Variants in CCNI observed in about 807,000 individuals in gnomAD.
CCNI encodes cyclin-I.
CCNI carries 14 observed loss-of-function variants against 34.1 expected under a neutral mutation model. The observed-to-expected ratio is 0.41, with a 90% confidence interval of 0.27 to 0.64. The LOEUF (loss-of-function observed/expected upper bound fraction) is 0.64, where lower values mean the gene tolerates loss of function less well. Among genes scored for constraint, CCNI ranks in the 30% least tolerant of loss-of-function variants. CCNI has a pLI of 0.31. For synonymous variants in CCNI, 154 were observed against 158.4 expected, an observed-to-expected ratio of 0.97 and a Z score of 0.21; for missense variants, 385 against 440.5, an observed-to-expected ratio of 0.87 and a Z score of 1.13.
intron 6 of CCNI, among the ~76,000 whole-genome samples, chr4:77,049,196 G>C (rs572811055): frequency 2.0e-5 from 3 of 151,960 alleles, no homozygotes; most frequent in Non-Finnish European, 4.4e-5. Context: ...TATGTATTTT[G>C]TAGAAAATAG....
At position 77,075,755 on chromosome 4, in the gene CCNI, C is replaced by T. The variant is rs1161999251; in HGVS notation, c.-327G>A. ...GGCCTGAGGCCGCCGCCGCTCGAGCCCGGGTTGGGAGGGGGCTCCCTCTCG... is the reference window on the plus strand; with the variant it reads ...GGCCTGAGGCCGCCGCCGCTCGAGCTCGGGTTGGGAGGGGGCTCCCTCTCG... On this transcript the variant is annotated 5_prime_UTR_variant, in exon 1 of 7. Coordinates refer to ENST00000237654, the MANE Select transcript of CCNI (RefSeq NM_006835.3). 5.9e-6 allele frequency: 1 copy of T among 170,736 alleles called. No individual in the cohort carries two copies. Among genetic ancestry groups the T allele is most frequent in the Non-Finnish European group, 1.2e-5 (1 of 85,306 alleles). The allele number at this position is 170,736 out of a possible 1,614,324, so 10.6% of individuals were successfully genotyped here.
At chr4:77,068,651 A>C (rs908255987) in intron 1 of CCNI, among the ~76,000 whole-genome samples, 1 of 152,176 alleles carries the variant, frequency 6.6e-6, no homozygotes, top group African/African-American at 2.4e-5. Context: ...ATGTACCTGT[A>C]AACTATGTAT....
rs1727608689 is a variant in CCNI, at chr4:77,048,593, G to A, written c.760C>T (p.Leu254=). 3 of 1,607,018 alleles carry A rather than the reference G, an allele frequency of 1.9e-6. No individual in the cohort carries two copies. Among genetic ancestry groups the A allele is most frequent in the Non-Finnish European group, 1.7e-6 (2 of 1,175,884 alleles). The change falls in exon 7 of 7, where the codon CTG becomes TTG. Residue 254 remains leucine (L), a synonymous_variant. Coordinates refer to ENST00000237654, the MANE Select transcript of CCNI (RefSeq NM_006835.3). ...AHHLSTLQSS[L]PLNSVYVYRP... Reference sequence around the variant, plus strand: ...TAGACATAAACGGAATTCAGAGGCAGGGAAGACTGCAGAGTAGAAAGGTGA... The same window carrying A: ...TAGACATAAACGGAATTCAGAGGCAAGGAAGACTGCAGAGTAGAAAGGTGA...
chr4:77,052,656 A>G (rs1224863627), intron 6 of CCNI, among the ~76,000 whole-genome samples: 1 of 152,210 alleles, frequency 6.6e-6, no homozygotes, highest in Non-Finnish European at 1.5e-5. Context: ...ACTGGGAATC[A>G]TGTCGCAAAT....
intron 6 of CCNI, among the ~76,000 whole-genome samples, chr4:77,050,893 A>G (rs185548439): frequency 6.6e-6 from 1 of 152,228 alleles, no homozygotes; most frequent in East Asian, 1.9e-4. Context: ...TAGTGTAGAA[A>G]TTATTTCTAA....
At chr4:77,069,115 C>G (rs891879707) in intron 1 of CCNI, among the ~76,000 whole-genome samples, 1 of 152,156 alleles carries the variant, frequency 6.6e-6, no homozygotes, top group Non-Finnish European at 1.5e-5. Context: ...GTTAACTCCC[C>G]AACTACGTTA....
chr4:77,049,974 A>G (rs1354080062), intron 6 of CCNI, among the ~76,000 whole-genome samples: 7 of 152,106 alleles, frequency 4.6e-5, no homozygotes, highest in South Asian at 2.1e-4. Flanking sequence ...CGGCACCCCA[A>G]TGCCTACCAG....
At chr4:77,071,148 TA>T (rs1480375470) in intron 1 of CCNI, among the ~76,000 whole-genome samples, 3 of 152,216 alleles carry the variant, frequency 2.0e-5, no homozygotes, top group Non-Finnish European at 2.9e-5. Context: ...TAGAATCATG[TA>T]AAAAGAAGTA....
At chr4:77,074,887 C>T (rs1056908188) in intron 1 of CCNI, 2 of 152,132 alleles carry the variant, frequency 1.3e-5, no homozygotes, top group Admixed American at 6.5e-5. Flanking sequence ...GCTCCTCTGT[C>T]CTCCTTTCAA....
rs555218836 is a variant in CCNI, at chr4:77,050,174, T to C, written c.691-1512A>G. On this transcript the variant is annotated intron_variant, in intron 6 of 6. Transcript: ENST00000237654. The stretch of plus-strand genomic sequence containing the variant: ...CCCTTAATCATCTTATTTCTACCTG[T>C]TGAAATTGTATTGCGCATTCCTTCC... Among the ~76,000 whole-genome samples the C allele has an allele frequency of 3.9e-5, 6 of 152,310 alleles. No homozygotes were observed. The East Asian group carries it at 5.8e-4, about 15-fold the overall frequency.
At chr4:77,055,870 C>T in intron 5 of CCNI, 92 bp downstream of exon 5, 16 of 1,037,450 alleles carry the variant, frequency 1.5e-5, no homozygotes, top group South Asian at 3.5e-5. Flanking sequence ...TTCCTATTTC[C>T]AGTACAAAAT....
At chr4:77,074,126 G>A (rs970531332) in intron 1 of CCNI, among the ~76,000 whole-genome samples, 1 of 152,050 alleles carries the variant, frequency 6.6e-6, no homozygotes, top group African/African-American at 2.4e-5. Flanking sequence ...AACAAAACAC[G>A]GACACACTCA....
chr4:77,072,039 C>T (rs1729504443), intron 1 of CCNI, among the ~76,000 whole-genome samples: 1 of 152,044 alleles, frequency 6.6e-6, no homozygotes, highest in Non-Finnish European at 1.5e-5. Flanking sequence ...ACCCTGCTAC[C>T]AAAACCAGAC....
At position 77,048,436 on chromosome 4, in the gene CCNI, A is replaced by G. The variant is rs755722758; in HGVS notation, c.917T>C (p.Phe306Ser). Reference protein sequence around the residue: ...PEVPVRGTAAFYHHLPAASGC... With the variant: ...PEVPVRGTAASYHHLPAASGC... The stretch of plus-strand genomic sequence containing the variant: ...ACTGGCAGCTGGGAGATGATGGTAA[A>G]AGGCTGCTGTACCTCTGACTGGCAC... Residue 306 changes from phenylalanine to serine, a missense_variant, in exon 7 of 7, where the codon TTT becomes TCT. Around this residue, in one of 2 missense-constraint regions of CCNI, gnomAD observed 250 missense variants for 248.7 expected, o/e 1.01. Coordinates refer to ENST00000237654, the MANE Select transcript of CCNI (RefSeq NM_006835.3). 5 of 1,614,060 alleles carry G rather than the reference A, an allele frequency of 3.1e-6. No individual in the cohort carries two copies. In the African/African-American group the frequency reaches 5.3e-5, roughly 17 times the overall value.
chr4:77,065,440 G>C (rs1302566494), intron 2 of CCNI, among the ~76,000 whole-genome samples: 1 of 152,166 alleles, frequency 6.6e-6, no homozygotes, highest in African/African-American at 2.4e-5. Flanking sequence ...TATGACAGAA[G>C]TATAAAAATT....
rs1728194281 is a variant in CCNI, at chr4:77,055,986, G to A, written c.435C>T (p.Ala145=). 1 of 1,612,984 alleles carries A rather than the reference G, an allele frequency of 6.2e-7. No homozygotes were observed. The highest frequency in any genetic ancestry group is 8.5e-7 in the Non-Finnish European group (1 of 1,179,260). ...CAATATGAAGAAAATCCAATGGTGT[G>A]GCTGTGTGAAGATCCCAATTCAACT... ...LDKLNWDLHT[A]TPLDFLHIFH... is the part of the protein sequence containing the mutation. Residue 145 remains alanine (A), a synonymous_variant, in exon 5 of 7, where the codon GCC becomes GCT. Transcript: ENST00000237654.
chr4:77,071,474 C>T (rs1021439954), intron 1 of CCNI, among the ~76,000 whole-genome samples: 2 of 152,040 alleles, frequency 1.3e-5, no homozygotes, highest in Non-Finnish European at 2.9e-5. Context: ...GTTCCTAAAG[C>T]AAGACAGAAG....
chr4:77,048,127 A>G lies in CCNI; in HGVS notation c.*92T>C, dbSNP rs1056789552. Reference sequence around the variant, plus strand: ...TCACTCCAAATCAGCCTGTTAAGGTATATTTCCTTCTACAGCCTTTCCTGA... The same window carrying G: ...TCACTCCAAATCAGCCTGTTAAGGTGTATTTCCTTCTACAGCCTTTCCTGA... On this transcript the variant is annotated 3_prime_UTR_variant, in exon 7 of 7. Coordinates refer to ENST00000237654, the MANE Select transcript of CCNI (RefSeq NM_006835.3). The G allele has an allele frequency of 1.7e-5, 15 of 894,770 alleles. No individual in the cohort carries two copies. The highest frequency in any genetic ancestry group is 6.7e-5 in the African/African-American group (4 of 59,796). The allele number at this position is 894,770 out of a possible 1,614,324, so 55.4% of individuals were successfully genotyped here. A position where few individuals can be genotyped will look rare whatever the true frequency, so the allele number is the denominator to read the frequency against.
chr4:77,064,375 TA>T (rs1010123212), intron 2 of CCNI, among the ~76,000 whole-genome samples: 1 of 152,076 alleles, frequency 6.6e-6, no homozygotes, highest in Non-Finnish European at 1.5e-5. Flanking sequence ...CTTAAGGAGA[TA>T]GCAGGAGGAG....
Sources: allele counts gnomAD v4.1 joint callset (sites outside exome capture counted in the v4.1 genomes callset), GRCh38; gene constraint gnomAD v4.1.1; regional missense constraint gnomAD v4.1.1; transcripts MANE v1.5; gene names NCBI Gene and HGNC (gene_info 2026-07-23, HGNC 2026-07-21).